The following UBXN2A variants were observed in gnomAD, a reference collection of about 807,000 sequenced individuals.
The protein encoded by UBXN2A is UBX domain-containing protein 2A.
Under a neutral mutation model 28.4 loss-of-function variants are expected in UBXN2A, and 28 were observed. That is an observed-to-expected ratio of 0.99 (90% CI 0.73 to 1.35). The LOEUF (loss-of-function observed/expected upper bound fraction) is 1.35. Among genes scored for constraint, UBXN2A ranks in the 40% most tolerant of loss-of-function variants. The pLI is 0.00. For synonymous variants in UBXN2A, 97 were observed against 103.6 expected, an observed-to-expected ratio of 0.94 and a Z score of 0.39; for missense variants, 253 against 297.9, an observed-to-expected ratio of 0.85 and a Z score of 1.11.
At chr2:23,936,685 T>TA (rs978051159), upstream of UBXN2A, among the ~76,000 whole-genome samples, 15 of 152,156 alleles carry the variant, frequency 9.9e-5, no homozygotes, top group African/African-American at 3.4e-4. Context: ...GCTTTTTGTC[T>TA]AAAATTAGGA....
At chr2:23,965,144 G>A (rs1380129017) in intron 2 of UBXN2A, among the ~76,000 whole-genome samples, 2 of 152,210 alleles carry the variant, frequency 1.3e-5, no homozygotes, top group East Asian at 3.9e-4. Context: ...GCCTCCTAAA[G>A]TGCTGGGATA....
intron 1 of UBXN2A, among the ~76,000 whole-genome samples, chr2:23,955,861 G>A (rs770004018): frequency 3.3e-5 from 5 of 152,214 alleles, no homozygotes; most frequent in African/African-American, 1.2e-4. Context: ...ATGTATTTTG[G>A]TTATGATAAT....
chr2:23,968,045 C>G (rs1707246758), intron 2 of UBXN2A, among the ~76,000 whole-genome samples: 1 of 151,974 alleles, frequency 6.6e-6, no homozygotes, highest in Non-Finnish European at 1.5e-5. Flanking sequence ...AACTCCTGGC[C>G]TCAAGTCACT....
At chr2:23,935,707 A>G (rs1247538801), upstream of UBXN2A, among the ~76,000 whole-genome samples, 1 of 152,222 alleles carries the variant, frequency 6.6e-6, no homozygotes, top group African/African-American at 2.4e-5. Flanking sequence ...CTGGTCCTTG[A>G]AAAGTTAAAC....
Position 23,982,921 on chromosome 2 carries a change from A to C in UBXN2A, c.313A>C (p.Ile105Leu). Residue 105 changes from isoleucine to leucine, a missense_variant, in exon 5 of 7, where the codon ATT (isoleucine) becomes CTT (leucine). Physicochemically the swap from Ile to Leu is conservative, Grantham distance 5. Transcript: ENST00000309033. The part of the protein sequence containing the change: ...KGELPSELQG[I>L]FDKEEVDVKV... ...GGAATTACCTTCAGAATTACAGGGA[A>C]TTTTTGATAAAGAAGAGGTGGACGT... The C allele has an allele frequency of 6.2e-7, 1 of 1,608,418 alleles. No homozygotes were observed. Among genetic ancestry groups the C allele is most frequent in the Non-Finnish European group, 8.5e-7 (1 of 1,177,602 alleles).
At chr2:23,977,774 CT>C (rs1707733212) in intron 4 of UBXN2A, among the ~76,000 whole-genome samples, 1 of 152,162 alleles carries the variant, frequency 6.6e-6, no homozygotes, top group African/African-American at 2.4e-5. Context: ...CACAGATATA[CT>C]TTTTCTTTTG....
chr2:23,928,586 A>T (rs948727993), intron 1 of UBXN2A, among the ~76,000 whole-genome samples: 11 of 152,176 alleles, frequency 7.2e-5, no homozygotes, highest in Admixed American at 2.6e-4. Context: ...CAAAAAAAAA[A>T]AAATAAAATT....
chr2:23,929,443 G>A (rs932409068), intron 1 of UBXN2A, among the ~76,000 whole-genome samples: 21 of 151,984 alleles, frequency 1.4e-4, no homozygotes, highest in African/African-American at 5.1e-4. Flanking sequence ...AGGGTGCAGT[G>A]GCTAATGCCT....
chr2:24,000,000 A>G lies in UBXN2A; in HGVS notation c.*133A>G. The stretch of plus-strand genomic sequence containing the variant: ...AGTACTATTGAACTCTCTCCTGATG[A>G]GAAGATGTTTAGATAAGTACAAGTT... On this transcript the variant is annotated 3_prime_UTR_variant, in exon 7 of 7. Transcript: ENST00000309033. The G allele has an allele frequency of 1.3e-6, 1 of 793,870 alleles. No homozygotes were observed. The highest frequency in any genetic ancestry group is 2.7e-5 in the East Asian group (1 of 37,572). 49.2% of individuals were successfully genotyped at this position (793,870 alleles called of 1,614,324 possible).
chr2:23,927,658 A>G (rs1031527449), intron 1 of UBXN2A: 5 of 151,942 alleles, frequency 3.3e-5, no homozygotes, highest in African/African-American at 1.2e-4. Context: ...ACCATGCTAG[A>G]ACTCTGCGTT....
intron 2 of UBXN2A, among the ~76,000 whole-genome samples, chr2:23,963,300 A>G (rs1382979416): frequency 2.0e-5 from 3 of 151,930 alleles, no homozygotes; most frequent in African/African-American, 7.3e-5. Context: ...GCGGATCACG[A>G]GGTCAGAAGT....
intron 4 of UBXN2A, among the ~76,000 whole-genome samples, chr2:23,978,985 TTACTA>T (rs1707787703): frequency 6.6e-6 from 1 of 151,888 alleles, no homozygotes; most frequent in African/African-American, 2.4e-5. Context: ...ATTGCAATGT[TTACTA>T]TATATTTATG....
intron 6 of UBXN2A, among the ~76,000 whole-genome samples, chr2:23,993,364 G>A (rs967338440): frequency 1.3e-5 from 2 of 152,018 alleles, no homozygotes; most frequent in African/African-American, 4.8e-5. Flanking sequence ...TTGGCCAACA[G>A]CATTTATTTA....
At chr2:23,996,452 T>C (rs905814778) in intron 6 of UBXN2A, among the ~76,000 whole-genome samples, 11 of 151,630 alleles carry the variant, frequency 7.3e-5, no homozygotes, top group Admixed American at 3.3e-4. Context: ...CTTCTCTTTT[T>C]CTGTTTTCTT....
Position 23,955,411 on chromosome 2 carries a change from T to G in UBXN2A, c.-14-2890T>G, listed in dbSNP as rs541685314. Among the ~76,000 whole-genome samples the G allele has an allele frequency of 2.6e-5, 4 of 152,352 alleles. No homozygotes were observed. The East Asian group carries it at 7.7e-4, about 29-fold the overall frequency. On this transcript the variant is annotated intron_variant, in intron 1 of 6. Transcript: ENST00000309033. ...CCTACCTGTTCTTCCATTTTGCTGA[T>G]GTCACCCTCAAGAGTTTAATTTTCC... is the stretch of plus-strand genomic sequence containing the variant.
chr2:23,999,844 T>A lies in UBXN2A; in HGVS notation c.757T>A (p.Phe253Ile). The change falls in exon 7 of 7, where the codon TTT becomes ATT. Residue 253 changes from phenylalanine (F) to isoleucine (I), a missense_variant. By Grantham distance (21) the Phe-to-Ile change is conservative. Coordinates refer to ENST00000309033, the MANE Select transcript of UBXN2A (RefSeq NM_181713.4). ...TCAGAGACTCCAAAAAACTGCATCT[T>A]TTAGAGAACTTTCAGAGCACTGATT... The part of the protein sequence containing the change: ...IIQRLQKTAS[F>I]RELSEH 6.2e-7 allele frequency: 1 copy of A among 1,612,522 alleles called. No homozygotes were observed. The highest frequency in any genetic ancestry group is 8.5e-7 in the Non-Finnish European group (1 of 1,179,588).
In UBXN2A at chr2:23,971,290, GATC is replaced by G. The variant is rs1186280122; in HGVS notation, c.57_59del (p.Ser20del). 4 of 1,564,282 alleles carry G rather than the reference GATC, an allele frequency of 2.6e-6. No homozygotes were observed. Among genetic ancestry groups the G allele is most frequent in the Non-Finnish European group, 3.5e-6 (4 of 1,145,444 alleles). On this transcript the variant is annotated inframe_deletion, in exon 3 of 7. Coordinates refer to ENST00000309033, the MANE Select transcript of UBXN2A (RefSeq NM_181713.4). ...ATCTTGTTTAGGGTTTGTGAAACAG[GATC>G]TGATAATCAACCTCTTGGTAATAAT...
At chr2:23,974,437 C>T (rs1489560591) in intron 3 of UBXN2A, among the ~76,000 whole-genome samples, 2 of 151,636 alleles carry the variant, frequency 1.3e-5, no homozygotes, top group Non-Finnish European at 2.9e-5. Context: ...GCTCCGCCTC[C>T]CGGGTTCACA....
chr2:23,929,664 G>A (rs112316954), intron 1 of UBXN2A, among the ~76,000 whole-genome samples: 11,896 of 151,760 alleles, frequency 0.078, 599 homozygotes, highest in South Asian at 0.12. Context: ...AGTGAGCTGA[G>A]ATTGCACCAC....
Sources: allele counts gnomAD v4.1 joint callset (sites outside exome capture counted in the v4.1 genomes callset), GRCh38; gene constraint gnomAD v4.1.1; transcripts MANE v1.5; gene names NCBI Gene and HGNC (gene_info 2026-07-23, HGNC 2026-07-21).